NEDD4: variants seen among roughly 807,000 people sequenced by gnomAD.
NEDD4 encodes E3 ubiquitin-protein ligase NEDD4.
In NEDD4, 99 loss-of-function variants were observed where a neutral mutation model predicts 144.9. That is an observed-to-expected ratio of 0.68 (90% CI 0.58 to 0.81). The LOEUF (loss-of-function observed/expected upper bound fraction) is 0.81, where lower values mean the gene tolerates loss of function less well. NEDD4 is among the 30% of genes least tolerant of loss of function. The probability of loss-of-function intolerance (pLI) is 0.00; values close to 1 mark genes in which losing one functional copy is unlikely to be tolerated. For missense variants in NEDD4, 985 were observed against 1,065.9 expected (o/e 0.92, Z 1.06); for synonymous variants, 318 against 350.6 (o/e 0.91, Z 1.04).
intron 21 of NEDD4, among the ~76,000 whole-genome samples, chr15:55,839,989 AAAAAAAAAAAATATATATATATATATAT>A (rs1566900875): frequency 5.4e-5 from 3 of 55,188 alleles, no homozygotes; most frequent in African/African-American, 2.3e-4. Context: ...AAAAAAAAAA[AAAAAAAAAAAATATATATATATATATAT>A]ATATATATAT....
At chr15:55,855,691 C>T (rs1477927114) in intron 12 of NEDD4, among the ~76,000 whole-genome samples, 1 of 152,214 alleles carries the variant, frequency 6.6e-6, no homozygotes, top group South Asian at 2.1e-4. Context: ...AGACCAAGGA[C>T]TGATAAACTC....
chr15:55,981,183 C>T (rs2037797625), intron 1 of NEDD4, among the ~76,000 whole-genome samples: 1 of 151,942 alleles, frequency 6.6e-6, no homozygotes, highest in Admixed American at 6.6e-5. Flanking sequence ...GCTGAGACTA[C>T]AGGTGCCCAC....
At chr15:55,896,095 C>A (rs72732287) in intron 5 of NEDD4, among the ~76,000 whole-genome samples, 21,744 of 152,152 alleles carry the variant, frequency 0.14, 1,701 homozygotes, top group East Asian at 0.36. Context: ...CTTCTATTAA[C>A]AAAAGCCCCC....
At chr15:55,862,156 C>T (rs182028835) in intron 9 of NEDD4, among the ~76,000 whole-genome samples, 1 of 152,192 alleles carries the variant, frequency 6.6e-6, no homozygotes, top group East Asian at 1.9e-4. Context: ...GATTTGAGAA[C>T]AGAAAATATC....
chr15:55,895,972 A>G (rs1346994781), intron 5 of NEDD4, among the ~76,000 whole-genome samples: 1 of 152,220 alleles, frequency 6.6e-6, no homozygotes, highest in Non-Finnish European at 1.5e-5. Flanking sequence ...TAGGTTTTAT[A>G]CGAGGCATCT....
chr15:55,949,373 C>T (rs1180216008), intron 4 of NEDD4, among the ~76,000 whole-genome samples: 15 of 152,160 alleles, frequency 9.9e-5, no homozygotes, highest in African/African-American at 3.6e-4. Flanking sequence ...CTAGTTCAAC[C>T]ATTGTGGAAG....
intron 21 of NEDD4, among the ~76,000 whole-genome samples, chr15:55,839,992 AAAAAAAAATATATATATATAT>A: frequency 1.7e-5 from 1 of 58,208 alleles, no homozygotes; most frequent in South Asian, 6.9e-4. Context: ...AAAAAAAAAA[AAAAAAAAATATATATATATAT>A]ATATATATAT....
rs139514179 is a variant in NEDD4 at position 55,944,973 on chromosome 15, A to G, written c.237+6403T>C. ...ACAAAGGAATAGCATCAACATCAAC[A>G]AAAAGGACATACACACCAAAACCCC... On this transcript the variant is annotated intron_variant, in intron 4 of 28. Coordinates refer to ENST00000435532, the MANE Select transcript of NEDD4 (RefSeq NM_006154.4). Among the ~76,000 whole-genome samples, 1,183 of 152,296 alleles carry G rather than the reference A, an allele frequency of 7.8e-3. 16 individuals are homozygous for G. Among genetic ancestry groups the G allele is most frequent in the African/African-American group, 0.027 (1,130 of 41,548 alleles).
intron 5 of NEDD4, among the ~76,000 whole-genome samples, chr15:55,879,781 A>C (rs2035118508): frequency 6.6e-6 from 1 of 152,118 alleles, no homozygotes; most frequent in Non-Finnish European, 1.5e-5. Context: ...CAAAAACTTC[A>C]AGATAGAGTT....
chr15:55,915,676 C>G, intron 5 of NEDD4: 1 of 1,613,940 alleles, frequency 6.2e-7, no homozygotes, highest in Non-Finnish European at 8.5e-7. Flanking sequence ...TCTAATGTAG[C>G]TGCTTTTCGT....
chr15:55,992,699 C>A (rs1420740451), intron 1 of NEDD4, among the ~76,000 whole-genome samples: 1 of 152,202 alleles, frequency 6.6e-6, no homozygotes, highest in East Asian at 1.9e-4. Context: ...ACGGAACAAC[C>A]TTTCCAAATG....
intron 5 of NEDD4, among the ~76,000 whole-genome samples, chr15:55,880,782 G>T (rs1461524586): frequency 6.6e-6 from 1 of 152,202 alleles, no homozygotes; most frequent in Admixed American, 6.5e-5. Context: ...ATGTTTCCTA[G>T]AAGAGTAGGG....
At chr15:55,983,052 G>A (rs1394670681) in intron 1 of NEDD4, among the ~76,000 whole-genome samples, 2 of 152,018 alleles carry the variant, frequency 1.3e-5, no homozygotes, top group African/African-American at 4.8e-5. Context: ...AACCCAGAAG[G>A]CAGAGGTTGC....
intron 1 of NEDD4, among the ~76,000 whole-genome samples, chr15:55,990,661 T>C (rs2037975678): frequency 6.6e-6 from 1 of 152,198 alleles, no homozygotes; most frequent in Non-Finnish European, 1.5e-5. Flanking sequence ...GAGCCTACTT[T>C]GGATCCAGTC....
At chr15:55,867,514 CTAAA>C (rs1181472411) in intron 8 of NEDD4, among the ~76,000 whole-genome samples, 1 of 152,090 alleles carries the variant, frequency 6.6e-6, no homozygotes, top group African/African-American at 2.4e-5. Context: ...TTTCAAGTTA[CTAAA>C]TAAATAATTT....
chr15:55,845,007 A>G (rs1273858837), intron 18 of NEDD4, among the ~76,000 whole-genome samples: 1 of 151,990 alleles, frequency 6.6e-6, no homozygotes, highest in African/African-American at 2.4e-5. Context: ...TTGGTGTTAC[A>G]TGTTCTTACA....
At chr15:55,864,624 G>A (rs1384533773) in intron 8 of NEDD4, among the ~76,000 whole-genome samples, 2 of 151,492 alleles carry the variant, frequency 1.3e-5, no homozygotes, top group African/African-American at 2.4e-5. Flanking sequence ...GGAGGTGATG[G>A]TGAGCCGAAA....
At chr15:55,860,284 C>T in intron 11 of NEDD4, 123 bp downstream of exon 11, 1 of 925,240 alleles carries the variant, frequency 1.1e-6, no homozygotes, top group South Asian at 1.7e-5. Context: ...TCCCAAGGTC[C>T]CTAATGTATT....
rs1359391948 is a variant in NEDD4 at position 55,887,091 on chromosome 15, T to G, written c.292-13083A>C. Among the ~76,000 whole-genome samples the G allele has an allele frequency of 4.0e-5, 6 of 148,616 alleles. No homozygotes were observed. The East Asian group carries it at 1.2e-3, about 29-fold the overall frequency. On this transcript the variant is annotated intron_variant, in intron 5 of 28. Coordinates refer to ENST00000435532, the MANE Select transcript of NEDD4 (RefSeq NM_006154.4). ...GCGTAAAAAGTGCATCTTAAAGAAC[T>G]AGAAAAGCAAGAGCAAACCAAACCC...
Sources: allele counts gnomAD v4.1 joint callset (sites outside exome capture counted in the v4.1 genomes callset), GRCh38; gene constraint gnomAD v4.1.1; transcripts MANE v1.5; gene names NCBI Gene and HGNC (gene_info 2026-07-23, HGNC 2026-07-21).